Variants in ARHGAP22 observed in about 807,000 individuals in gnomAD.
ARHGAP22 encodes the protein rho GTPase-activating protein 22.
ARHGAP22 carries 48 observed loss-of-function variants against 59.1 expected under a neutral mutation model. The observed-to-expected ratio is 0.81, with a 90% CI of 0.64 to 1.03. ARHGAP22 has a LOEUF of 1.03. Among genes scored for constraint, ARHGAP22 ranks in the 50% least tolerant of loss-of-function variants. ARHGAP22 has a pLI of 0.00. For synonymous variants in ARHGAP22, 445 were observed against 416.4 expected, an observed-to-expected ratio of 1.07 and a Z score of -0.84; for missense variants, 1,015 against 958.7, an observed-to-expected ratio of 1.06 and a Z score of -0.78.
intron 5 of ARHGAP22, among the ~76,000 whole-genome samples, chr10:48,455,985 G>A (rs2046459593): frequency 6.6e-6 from 1 of 152,170 alleles, no homozygotes; most frequent in Admixed American, 6.5e-5. Flanking sequence ...AGCTGCCAAG[G>A]CAGAAGTAGA....
At chr10:48,445,590 G>C (rs1293136531), downstream of ARHGAP22, 1 of 152,670 alleles carries the variant, frequency 6.6e-6, no homozygotes. Flanking sequence ...CGCCCAGAGT[G>C]AGGCATAGGC....
At chr10:48,556,819 A>C (rs1484219903) in intron 2 of ARHGAP22, 1 of 152,154 alleles carries the variant, frequency 6.6e-6, no homozygotes, top group Non-Finnish European at 1.5e-5. Context: ...CTGTGTCTGC[A>C]TTTACCCAGG....
At chr10:48,438,315 T>A in the ARHGAP22 span, 1 of 152,164 alleles carries the variant, frequency 6.6e-6, no homozygotes, top group East Asian at 1.9e-4. Context: ...TCTCTTAGGT[T>A]TTTACGGAAT....
rs765033364 is a variant in ARHGAP22 at position 48,455,129 on chromosome 10, G to A, written c.665C>T (p.Thr222Ile). 1 of 1,608,480 alleles carries A rather than the reference G, an allele frequency of 6.2e-7. No homozygotes were observed. The highest frequency in any genetic ancestry group is 1.1e-5 in the South Asian group (1 of 90,592). Residue 222 changes from threonine to isoleucine, a missense_variant, in exon 6 of 10, where the codon ACA becomes ATA. Thr to Ile is a moderately conservative substitution (Grantham distance 89). Coordinates refer to ENST00000249601, the MANE Select transcript of ARHGAP22 (RefSeq NM_021226.4). ...CAGGGAGGCCACCGTGTGCACGTCT[G>A]TTGTGCTGTGGGGGGGAAGAGGACA... ...CGEKPLFDST[T>I]DVHTVASLLK...
chr10:48,595,174 T>C (rs1589059358), intron 1 of ARHGAP22, among the ~76,000 whole-genome samples: 1 of 152,122 alleles, frequency 6.6e-6, no homozygotes. Flanking sequence ...GAAGTGGCTG[T>C]AGGACAAGAG....
intron 1 of ARHGAP22, among the ~76,000 whole-genome samples, chr10:48,616,712 C>G (rs2061094920): frequency 6.6e-6 from 1 of 152,052 alleles, no homozygotes; most frequent in African/African-American, 2.4e-5. Context: ...AACCTGTCAA[C>G]TGAATTCAAC....
At chr10:48,434,135 A>C in the ARHGAP22 span, among the ~76,000 whole-genome samples, 9 of 152,308 alleles carry the variant, frequency 5.9e-5, no homozygotes, top group Non-Finnish European at 1.3e-4. Flanking sequence ...AATCCAGGAA[A>C]TGCTTGTTAG....
At chr10:48,545,659 T>C (rs556167068) in intron 3 of ARHGAP22, among the ~76,000 whole-genome samples, 35 of 152,274 alleles carry the variant, frequency 2.3e-4, no homozygotes, top group African/African-American at 7.9e-4. Flanking sequence ...ACACAGTATC[T>C]GTCTCCTCTG....
At chr10:48,642,091 CACAA>C (rs1413056465) in intron 1 of ARHGAP22, among the ~76,000 whole-genome samples, 1 of 152,104 alleles carries the variant, frequency 6.6e-6, no homozygotes, top group Non-Finnish European at 1.5e-5. Flanking sequence ...TAAAAGAGAA[CACAA>C]ACAAATGGAA....
chr10:48,596,035 T>C (rs1409845308), intron 1 of ARHGAP22, among the ~76,000 whole-genome samples: 1 of 152,238 alleles, frequency 6.6e-6, no homozygotes, highest in Non-Finnish European at 1.5e-5. Flanking sequence ...GGATTTTTTT[T>C]TCATAGTGAA....
chr10:48,642,449 C>G (rs1321449805), intron 1 of ARHGAP22, among the ~76,000 whole-genome samples: 1 of 152,228 alleles, frequency 6.6e-6, no homozygotes, highest in Non-Finnish European at 1.5e-5. Context: ...CTACAACCAT[C>G]TGATCTTTGA....
chr10:48,517,351 A>G (rs1269596012), intron 3 of ARHGAP22, among the ~76,000 whole-genome samples: 1 of 152,210 alleles, frequency 6.6e-6, no homozygotes, highest in Non-Finnish European at 1.5e-5. Context: ...CATTAGCTAC[A>G]TAGCTGGCTG....
chr10:48,464,643 TG>T (rs1240475832), intron 4 of ARHGAP22, among the ~76,000 whole-genome samples: 1 of 152,152 alleles, frequency 6.6e-6, no homozygotes, highest in Non-Finnish European at 1.5e-5. Context: ...AAGTAGGCGA[TG>T]TTCAAGGCCA....
upstream of ARHGAP22, chr10:48,605,110 C>A (rs1306473597): frequency 2.2e-5 from 27 of 1,247,082 alleles, no homozygotes; most frequent in East Asian, 9.7e-4. Context: ...CTGGCCTGGG[C>A]GCACGCGTGG....
chr10:48,496,624 C>T (rs1020146209), intron 3 of ARHGAP22, among the ~76,000 whole-genome samples: 9 of 152,158 alleles, frequency 5.9e-5, no homozygotes, highest in African/African-American at 2.2e-4. Context: ...TCTCTAGGAT[C>T]TTACCTAAGA....
intron 3 of ARHGAP22, among the ~76,000 whole-genome samples, chr10:48,529,964 C>T (rs891305362): frequency 6.6e-6 from 1 of 152,194 alleles, no homozygotes; most frequent in Non-Finnish European, 1.5e-5. Flanking sequence ...TGGCTGGGCG[C>T]GGTGGCTCAC....
chr10:48,588,178 C>T (rs1330295619), intron 1 of ARHGAP22, among the ~76,000 whole-genome samples: 2 of 151,398 alleles, frequency 1.3e-5, no homozygotes, highest in East Asian at 3.9e-4. Context: ...TATGGGGGGC[C>T]ATGTTCACTG....
upstream of ARHGAP22, among the ~76,000 whole-genome samples, chr10:48,605,338 C>T (rs574294891): frequency 7.2e-6 from 1 of 138,876 alleles, no homozygotes; most frequent in Admixed American, 7.1e-5. Context: ...AGACCCCCCC[C>T]CCACCCCAGA....
At chr10:48,520,504 G>C (rs1463777374) in intron 3 of ARHGAP22, among the ~76,000 whole-genome samples, 3 of 152,192 alleles carry the variant, frequency 2.0e-5, no homozygotes, top group African/African-American at 7.2e-5. Flanking sequence ...AGGATGAGTG[G>C]GGAGGAGGAC....
Sources: allele counts gnomAD v4.1 joint callset (sites outside exome capture counted in the v4.1 genomes callset), GRCh38; gene constraint gnomAD v4.1.1; transcripts MANE v1.5; gene names NCBI Gene and HGNC (gene_info 2026-07-23, HGNC 2026-07-21).